PDE1A: variants seen among roughly 807,000 people sequenced by gnomAD.
PDE1A encodes phosphodiesterase 1A.
In PDE1A, 35 loss-of-function variants were observed where a neutral mutation model predicts 61.7. That is an observed-to-expected ratio of 0.57 (90% confidence interval 0.43 to 0.75). The LOEUF (loss-of-function observed/expected upper bound fraction) is 0.75, where lower values mean the gene tolerates loss of function less well. PDE1A is among the 30% of genes least tolerant of loss of function. PDE1A has a pLI of 0.00. For synonymous variants in PDE1A, 232 were observed against 213.2 expected (o/e 1.09, Z -0.77); for missense variants, 597 against 630.6 (o/e 0.95, Z 0.57).
At chr2:182,205,880 A>G in intron 8 of PDE1A, 60 bp downstream of exon 8, 1 of 1,465,938 alleles carries the variant, frequency 6.8e-7, no homozygotes, top group Non-Finnish European at 9.4e-7. Context: ...TTGACTTTAA[A>G]TCGCATAATT....
In PDE1A at chr2:182,264,292, A is replaced by G; in HGVS notation, c.167+9T>C. On this transcript the variant is annotated intron_variant, in intron 2 of 13. Coordinates refer to ENST00000351439, the Ensembl canonical transcript of PDE1A. The stretch of plus-strand genomic sequence containing the variant: ...AAAGAAGATAAAAGAGAAGAAGGTT[A>G]AAACTTACCTTGTTTCATCGATATA... 1 of 1,574,886 alleles carries G rather than the reference A, an allele frequency of 6.3e-7. No individual in the cohort carries two copies. The highest frequency in any genetic ancestry group is 1.1e-5 in the South Asian group (1 of 88,986).
chr2:182,551,880 G>T, the PDE1A span, among the ~76,000 whole-genome samples: 1 of 152,230 alleles, frequency 6.6e-6, no homozygotes, highest in South Asian at 2.1e-4. Context: ...CTCAGTTCTT[G>T]ACTTCAATCT....
intron 13 of PDE1A, among the ~76,000 whole-genome samples, chr2:182,154,527 T>TG (rs1690957458): frequency 6.6e-6 from 1 of 152,160 alleles, no homozygotes; most frequent in Non-Finnish European, 1.5e-5. Context: ...AATTGAATCA[T>TG]GGGGGCAGTT....
chr2:182,458,161 C>A (rs1417534705), intron 2 of PDE1A, among the ~76,000 whole-genome samples: 1 of 152,002 alleles, frequency 6.6e-6, no homozygotes, highest in African/African-American at 2.4e-5. Context: ...TGTGTAATAA[C>A]CATGGTACAA....
chr2:182,676,943 C>A, the PDE1A span, among the ~76,000 whole-genome samples: 1 of 152,108 alleles, frequency 6.6e-6, no homozygotes, highest in Non-Finnish European at 1.5e-5. Context: ...CTATGACAGA[C>A]CCACAGCCAA....
intron 13 of PDE1A, among the ~76,000 whole-genome samples, chr2:182,176,532 T>C (rs1305774827): frequency 1.4e-5 from 2 of 144,554 alleles, no homozygotes; most frequent in African/African-American, 5.4e-5. Context: ...TGTACATTGA[T>C]TTTGTATCCT....
At chr2:182,250,631 A>C (rs1247054006) in intron 2 of PDE1A, among the ~76,000 whole-genome samples, 1 of 151,756 alleles carries the variant, frequency 6.6e-6, no homozygotes, top group Non-Finnish European at 1.5e-5. Flanking sequence ...CCTCGACCCA[A>C]CTTTTTTTTT....
At chr2:182,520,517 G>A (rs1259428678) in intron 2 of PDE1A, among the ~76,000 whole-genome samples, 7 of 151,818 alleles carry the variant, frequency 4.6e-5, no homozygotes, top group African/African-American at 7.2e-5. Context: ...TCTACTGTTG[G>A]ATGACTCTAT....
At chr2:182,298,433 T>C (rs759927325) in intron 1 of PDE1A, among the ~76,000 whole-genome samples, 1 of 152,056 alleles carries the variant, frequency 6.6e-6, no homozygotes, top group Non-Finnish European at 1.5e-5. Context: ...AACCAGTAAG[T>C]CCTATATGGT....
intron 1 of PDE1A, among the ~76,000 whole-genome samples, chr2:182,363,975 C>A (rs1221660706): frequency 6.6e-6 from 1 of 151,976 alleles, no homozygotes; most frequent in African/African-American, 2.4e-5. Context: ...ATCACCAAGT[C>A]AGCCACCCAT....
chr2:182,516,831 AAGGGAGGGAGGGAGGGAGGG>A (rs59980126), intron 2 of PDE1A, among the ~76,000 whole-genome samples: 10 of 105,660 alleles, frequency 9.5e-5, no homozygotes, highest in East Asian at 2.6e-4. Context: ...GGAAGGAAGG[AAGGGAGGGAGGGAGGGAGGG>A]AGGGAGGGAG....
At chr2:182,274,794 C>A (rs1693286848) in intron 1 of PDE1A, among the ~76,000 whole-genome samples, 1 of 151,940 alleles carries the variant, frequency 6.6e-6, no homozygotes, top group Non-Finnish European at 1.5e-5. Context: ...ACAGAATTTC[C>A]CTTGCTTCTG....
At chr2:182,587,767 T>C in the PDE1A span, among the ~76,000 whole-genome samples, 1 of 152,186 alleles carries the variant, frequency 6.6e-6, no homozygotes, top group Non-Finnish European at 1.5e-5. Flanking sequence ...CCACAATAAC[T>C]CAATTTTTAA....
At chr2:182,159,972 T>C (rs1004449260) in intron 13 of PDE1A, among the ~76,000 whole-genome samples, 7 of 152,140 alleles carry the variant, frequency 4.6e-5, no homozygotes, top group African/African-American at 1.7e-4. Context: ...AAAAGAATTA[T>C]TGTAGAAAAT....
the PDE1A span, among the ~76,000 whole-genome samples, chr2:182,679,857 G>A: frequency 6.6e-6 from 1 of 152,110 alleles, no homozygotes; most frequent in East Asian, 1.9e-4. Flanking sequence ...AGATAGGGAA[G>A]TCAAAATAGA....
chr2:182,553,969 C>A, the PDE1A span, among the ~76,000 whole-genome samples: 1 of 152,184 alleles, frequency 6.6e-6, no homozygotes, highest in African/African-American at 2.4e-5. Context: ...AAGTAAAAAA[C>A]TGACAATGGA....
chr2:182,579,575 C>G, the PDE1A span, among the ~76,000 whole-genome samples: 2 of 152,162 alleles, frequency 1.3e-5, no homozygotes, highest in African/African-American at 4.8e-5. Context: ...TGGTCTGCAG[C>G]AGCTTGAAGA....
chr2:182,563,393 T>C, the PDE1A span, among the ~76,000 whole-genome samples: 3 of 152,234 alleles, frequency 2.0e-5, no homozygotes, highest in South Asian at 2.1e-4. Flanking sequence ...TCCTGAGTTC[T>C]AGTTTGATTG....
the PDE1A span, among the ~76,000 whole-genome samples, chr2:182,690,716 A>G: frequency 6.6e-6 from 1 of 152,210 alleles, no homozygotes; most frequent in Non-Finnish European, 1.5e-5. Flanking sequence ...AGGGTATTCA[A>G]TTAGGAAAAG....
Sources: allele counts gnomAD v4.1 joint callset (sites outside exome capture counted in the v4.1 genomes callset), GRCh38; gene constraint gnomAD v4.1.1; transcripts MANE v1.5; gene names NCBI Gene and HGNC (gene_info 2026-07-23, HGNC 2026-07-21).